Variants in NLRP2 observed in about 807,000 individuals in gnomAD.
The protein encoded by NLRP2 is NLR family pyrin domain containing 2.
Under a neutral mutation model 97.2 loss-of-function variants are expected in NLRP2, and 107 were observed. The observed-to-expected ratio is 1.10, with a 90% confidence interval of 0.94 to 1.29. The LOEUF (loss-of-function observed/expected upper bound fraction) is 1.29, where lower values mean the gene tolerates loss of function less well. NLRP2 is among the 50% of genes most tolerant of loss of function. NLRP2 has a pLI of 0.00. For synonymous variants in NLRP2, 663 were observed against 551.5 expected (o/e 1.20, Z -2.83); for missense variants, 1,495 against 1,330.3 (o/e 1.12, Z -1.93).
rs1157138794 is a variant in NLRP2, at chr19:55,000,270, CTTTTTTTTTTTTTTTTTTT to C, written c.3051-469_3051-451del. On this transcript the variant is annotated intron_variant, in intron 12 of 12. Coordinates refer to ENST00000448584, the MANE Select transcript of NLRP2 (RefSeq NM_017852.5). ...CCAGCTTGGGCAACAGAGAGACTGT[CTTTTTTTTTTTTTTTTTTT>C]TTTTTTTTTTTTTTTTTTTTGAGAT... 2.3e-3 allele frequency among the ~76,000 whole-genome samples: 82 copies of C among 36,028 alleles called. 1 individual carries two copies. Among genetic ancestry groups the C allele is most frequent in the South Asian group, 0.021 (14 of 676 alleles). 23.6% of individuals were successfully genotyped at this position (36,028 alleles called of 152,430 possible).
In NLRP2 at chr19:55,000,270, C is replaced by CTTTTTTTTTTTT. The variant is rs1157138794; in HGVS notation, c.3051-462_3051-451dup. On this transcript the variant is annotated intron_variant, in intron 12 of 12. Transcript: ENST00000448584. ...CCAGCTTGGGCAACAGAGAGACTGT[C>CTTTTTTTTTTTT]TTTTTTTTTTTTTTTTTTTTTTTTT... is the stretch of plus-strand genomic sequence containing the variant. 1.1e-3 allele frequency among the ~76,000 whole-genome samples: 38 copies of CTTTTTTTTTTTT among 36,026 alleles called. 12 individuals carry two copies. The highest frequency in any genetic ancestry group is 1.9e-3 in the Admixed American group (4 of 2,076). The allele number at this position is 36,026 out of a possible 152,430, so 23.6% of individuals were successfully genotyped here. A position where few individuals can be genotyped will look rare whatever the true frequency, so the allele number is the denominator to read the frequency against.
Position 54,985,217 on chromosome 19 carries a change from T to C in NLRP2, c.2201T>C (p.Val734Ala), listed in dbSNP as rs367800971. 22 of 1,613,536 alleles carry C rather than the reference T, an allele frequency of 1.4e-5. No homozygotes were observed. The African/African-American group carries it at 2.3e-4, about 17-fold the overall frequency. The change falls in exon 7 of 13, where the codon GTG becomes GCG. Residue 734 changes from valine (V) to alanine (A), a missense_variant and splice_region_variant. Physicochemically the swap from Val to Ala is moderately conservative, Grantham distance 64. Transcript: ENST00000448584. ...ASDTCHLQRV[V>A]FKNISPADAH... ...GACACCTGTCATCTCCAGAGAGTGGTGTAAGTAGAAACTAATTCATGAACT... is the reference window on the plus strand; with the variant it reads ...GACACCTGTCATCTCCAGAGAGTGGCGTAAGTAGAAACTAATTCATGAACT...
At chr19:54,968,980 C>T (rs892528854) in intron 1 of NLRP2, among the ~76,000 whole-genome samples, 3 of 152,050 alleles carry the variant, frequency 2.0e-5, no homozygotes, top group African/African-American at 4.8e-5. Flanking sequence ...GGATTGCAGG[C>T]GTGAGCCACC....
At position 54,983,032 on chromosome 19, in the gene NLRP2, G is replaced by A; in HGVS notation, c.1334G>A (p.Gly445Asp). Residue 445 changes from glycine (G) to aspartate (D), a missense_variant, in exon 6 of 13, where the codon GGC becomes GAC. By Grantham distance (94) the Gly-to-Asp change is moderately conservative (BLOSUM62 -1). Transcript: ENST00000448584. ...TTCCCGCAGGGCGCACAGCTGCGGG[G>A]CGCGCTGCGGACGCTGAGCCTCCTG... ...SRFPQGAQLR[G>D]ALRTLSLLAA... The A allele has an allele frequency of 6.2e-7, 1 of 1,610,828 alleles. No homozygotes were observed. The highest frequency in any genetic ancestry group is 1.3e-5 in the African/African-American group (1 of 74,980).
intron 9 of NLRP2, 68 bp downstream of exon 9, chr19:54,990,260 G>A (rs2072383135): frequency 6.6e-7 from 1 of 1,513,222 alleles, no homozygotes; most frequent in South Asian, 1.1e-5. Flanking sequence ...CAATGGTCAT[G>A]CCTGACTTGG....
At chr19:54,981,271 A>G (rs1440252995) in intron 4 of NLRP2, among the ~76,000 whole-genome samples, 3 of 152,026 alleles carry the variant, frequency 2.0e-5, no homozygotes, top group South Asian at 4.1e-4. Flanking sequence ...GGTTCAAGCA[A>G]TTCTCGAGCC....
rs761161904 is a variant in NLRP2 at position 54,982,998 on chromosome 19, T to G, written c.1300T>G (p.Cys434Gly). The change falls in exon 6 of 13, where the codon TGC (cysteine) becomes GGC (glycine). Residue 434 changes from cysteine to glycine, a missense_variant. Cys to Gly is a radical substitution (Grantham distance 159). Coordinates refer to ENST00000448584, the MANE Select transcript of NLRP2 (RefSeq NM_017852.5). ...CACGGGGCTGTTCCTGCGTTTCCTC[T>G]GCAGCCGGTTCCCGCAGGGCGCACA... Reference protein sequence around the residue: ...TRTGLFLRFLCSRFPQGAQLR... With the variant: ...TRTGLFLRFLGSRFPQGAQLR... The G allele has an allele frequency of 3.7e-6, 6 of 1,610,668 alleles. No homozygotes were observed. The South Asian group carries it at 6.6e-5, about 18-fold the overall frequency.
intron 8 of NLRP2, among the ~76,000 whole-genome samples, chr19:54,986,629 C>T (rs557853937): frequency 6.6e-6 from 1 of 151,826 alleles, no homozygotes; most frequent in East Asian, 1.9e-4. Context: ...TGGCTCACTG[C>T]AACCTCTGTC....
intron 8 of NLRP2, among the ~76,000 whole-genome samples, chr19:54,987,036 C>T (rs573319718): frequency 6.6e-6 from 1 of 151,930 alleles, no homozygotes; most frequent in East Asian, 1.9e-4. Flanking sequence ...AGGTGCACAC[C>T]ACCACACCTG....
At position 54,985,928 on chromosome 19, in the gene NLRP2, C is replaced by T. The variant is rs557309164; in HGVS notation, c.2202-223C>T. ...GTAGGAGTCGCTTGAATCCGGGAGG[C>T]AGAGTTTGCTTTGCAGTGAGCCGAG... On this transcript the variant is annotated intron_variant, in intron 7 of 12. Transcript: ENST00000448584. Among the ~76,000 whole-genome samples the T allele has an allele frequency of 3.0e-4, 46 of 151,802 alleles. 1 individual carries two copies. The highest frequency in any genetic ancestry group is 9.4e-4 in the African/African-American group (39 of 41,410).
At chr19:54,969,245 G>A (rs1328775199) in intron 1 of NLRP2, among the ~76,000 whole-genome samples, 1 of 152,074 alleles carries the variant, frequency 6.6e-6, no homozygotes, top group Non-Finnish European at 1.5e-5. Context: ...GGGCACTGAG[G>A]CAGGTGAATC....
At chr19:54,998,882 G>A (rs1234823360) in intron 12 of NLRP2, among the ~76,000 whole-genome samples, 2 of 151,198 alleles carry the variant, frequency 1.3e-5, no homozygotes, top group African/African-American at 2.4e-5. Context: ...AGCATATCTT[G>A]CACCGCCCTT....
chr19:54,975,795 GGCTTGATT>G (rs1439784462), intron 3 of NLRP2, among the ~76,000 whole-genome samples: 1 of 151,708 alleles, frequency 6.6e-6, no homozygotes, highest in African/African-American at 2.4e-5. Flanking sequence ...GTGTTGCTCC[GGCTTGATT>G]GCAGTGGCAC....
intron 1 of NLRP2, among the ~76,000 whole-genome samples, chr19:54,967,917 A>ATTTTTTTTTTTTTTTTTTT (rs55659818): frequency 7.9e-6 from 1 of 126,308 alleles, no homozygotes; most frequent in Non-Finnish European, 1.7e-5. Context: ...TGCTACTGCT[A>ATTTTTTTTTTTTTTTTTTT]TTTTTTTTTT....
Position 54,983,292 on chromosome 19 carries a change from A to G in NLRP2, c.1594A>G (p.Ile532Val), listed in dbSNP as rs1221513804. 1.2e-6 allele frequency: 2 copies of G among 1,614,176 alleles called. No individual in the cohort carries two copies. Among genetic ancestry groups the G allele is most frequent in the Admixed American group, 1.7e-5 (1 of 60,004 alleles). The change falls in exon 6 of 13, where the codon ATT becomes GTT. Residue 532 changes from isoleucine (I) to valine (V), a missense_variant. Physicochemically the swap from Ile to Val is conservative, Grantham distance 29. Coordinates refer to ENST00000448584, the MANE Select transcript of NLRP2 (RefSeq NM_017852.5). ...EEDRDGHTWD[I>V]GDVQKLLSGV... Reference sequence around the variant, plus strand: ...GGATAGGGACGGCCACACCTGGGACATTGGGGACGTACAGAAGCTGCTTTC... The same window carrying G: ...GGATAGGGACGGCCACACCTGGGACGTTGGGGACGTACAGAAGCTGCTTTC...
chr19:54,968,550 G>T (rs1321809507), intron 1 of NLRP2, among the ~76,000 whole-genome samples: 2 of 149,376 alleles, frequency 1.3e-5, no homozygotes, highest in Non-Finnish European at 3.0e-5. Context: ...TGCCCAGGCT[G>T]GTCTCAAACT....
At chr19:54,968,464 A>G (rs2070620384) in intron 1 of NLRP2, among the ~76,000 whole-genome samples, 2 of 149,788 alleles carry the variant, frequency 1.3e-5, no homozygotes, top group Admixed American at 6.7e-5. Context: ...AGCTGGGACT[A>G]CAGGTGCATG....
chr19:54,986,468 G>T, intron 8 of NLRP2, 153 bp downstream of exon 8: 1 of 711,318 alleles, frequency 1.4e-6, no homozygotes, highest in Admixed American at 2.0e-5. Context: ...GGCTGAACTT[G>T]AGTTTCTACT....
intron 4 of NLRP2, among the ~76,000 whole-genome samples, chr19:54,980,130 C>T (rs1413931908): frequency 6.6e-6 from 1 of 151,686 alleles, no homozygotes; most frequent in Non-Finnish European, 1.5e-5. Context: ...GTGGTGCCTG[C>T]TCTATCATCA....
Sources: allele counts gnomAD v4.1 joint callset (sites outside exome capture counted in the v4.1 genomes callset), GRCh38; gene constraint gnomAD v4.1.1; transcripts MANE v1.5; gene names NCBI Gene and HGNC (gene_info 2026-07-23, HGNC 2026-07-21).